Variants in SYNRG observed in about 807,000 individuals in gnomAD.
SYNRG encodes synergin gamma.
SYNRG carries 37 observed loss-of-function variants against 130.9 expected under a neutral mutation model. The observed-to-expected ratio is 0.28, with a 90% confidence interval of 0.22 to 0.37. The LOEUF is 0.37. Ranked by LOEUF, SYNRG falls within the 10% of genes least tolerant of loss-of-function variation. The pLI is 1.00. For synonymous variants in SYNRG, 539 were observed against 568.1 expected, an observed-to-expected ratio of 0.95 and a Z score of 0.73; for missense variants, 1,338 against 1,588.9, an observed-to-expected ratio of 0.84 and a Z score of 2.68.
chr17:37,604,338 C>T (rs569602343), intron 1 of SYNRG, among the ~76,000 whole-genome samples: 26 of 152,216 alleles, frequency 1.7e-4, no homozygotes, highest in African/African-American at 5.5e-4. Flanking sequence ...TACATCAGCA[C>T]TTGCTGCTTC....
intron 19 of SYNRG, among the ~76,000 whole-genome samples, chr17:37,535,451 C>T (rs144873572): frequency 6.6e-6 from 1 of 152,316 alleles, no homozygotes; most frequent in Non-Finnish European, 1.5e-5. Context: ...ATGCATGCAC[C>T]TGTGCAGACA....
intron 6 of SYNRG, among the ~76,000 whole-genome samples, chr17:37,580,858 G>A (rs138317886): frequency 1.3e-5 from 2 of 151,612 alleles, no homozygotes; most frequent in African/African-American, 4.8e-5. Flanking sequence ...TAGTAGAGAC[G>A]GGGGTTTCTC....
chr17:37,568,852 A>T lies in SYNRG; in HGVS notation c.1420T>A (p.Phe474Ile). ...GCAGGCAACTCTTGGAAATCACTGA[A>T]TGAGTCATCAAGGGATCCTGACTTA... ...ASKSGSLDDS[F>I]SDFQELPASS... The change falls in exon 11 of 22, where the codon TTC (phenylalanine) becomes ATC (isoleucine). Residue 474 changes from phenylalanine to isoleucine, a missense_variant. Phe to Ile is a conservative substitution (Grantham distance 21). Coordinates refer to ENST00000612223, the MANE Select transcript of SYNRG (RefSeq NM_007247.6). 2.5e-6 allele frequency: 4 copies of T among 1,614,126 alleles called. No homozygotes were observed. Among genetic ancestry groups the T allele is most frequent in the Non-Finnish European group, 3.4e-6 (4 of 1,179,996 alleles).
At chr17:37,577,672 C>T (rs1233788901) in intron 6 of SYNRG, 59 bp from the exon 7 acceptor site, 2 of 1,245,782 alleles carry the variant, frequency 1.6e-6, no homozygotes, top group African/African-American at 1.5e-5. Context: ...ATCTTTTTAA[C>T]CATCCATCTC....
At chr17:37,604,039 G>A (rs979406577) in intron 1 of SYNRG, among the ~76,000 whole-genome samples, 3 of 152,222 alleles carry the variant, frequency 2.0e-5, no homozygotes, top group Admixed American at 2.0e-4. Flanking sequence ...TCAGGAGTAT[G>A]TGACCAGCCT....
intron 14 of SYNRG, among the ~76,000 whole-genome samples, chr17:37,552,543 C>T (rs2058787137): frequency 6.6e-6 from 1 of 152,134 alleles, no homozygotes; most frequent in African/African-American, 2.4e-5. Flanking sequence ...CACACACCCT[C>T]CTCTTTGCCA....
intron 6 of SYNRG, chr17:37,579,435 C>G (rs2061112586): frequency 7.7e-7 from 1 of 1,302,706 alleles, no homozygotes; most frequent in Non-Finnish European, 1.0e-6. Flanking sequence ...GTGGGGCAAT[C>G]TGCAAAATGG....
At chr17:37,548,786 T>C (rs1408929992) in intron 14 of SYNRG, among the ~76,000 whole-genome samples, 1 of 146,426 alleles carries the variant, frequency 6.8e-6, no homozygotes, top group Non-Finnish European at 1.5e-5. Flanking sequence ...GATTGCGCCA[T>C]TCCACTCCAG....
intron 1 of SYNRG, among the ~76,000 whole-genome samples, chr17:37,607,965 A>AC (rs1568574120): frequency 2.2e-4 from 32 of 145,966 alleles, no homozygotes; most frequent in African/African-American, 7.9e-4. Context: ...CAAAAAAAAA[A>AC]AAAAAAAAAA....
chr17:37,558,833 G>A (rs1019995651), intron 13 of SYNRG, among the ~76,000 whole-genome samples: 1 of 152,190 alleles, frequency 6.6e-6, no homozygotes, highest in Non-Finnish European at 1.5e-5. Flanking sequence ...ATGATCCTGT[G>A]TCTTGGTTGT....
At chr17:37,555,333 C>T (rs371581395) in intron 13 of SYNRG, among the ~76,000 whole-genome samples, 2 of 152,088 alleles carry the variant, frequency 1.3e-5, no homozygotes, top group East Asian at 1.9e-4. Flanking sequence ...CACCACGTCA[C>T]GTAGGCTGGT....
At chr17:37,524,472 G>A (rs979172130) in intron 19 of SYNRG, among the ~76,000 whole-genome samples, 4 of 152,242 alleles carry the variant, frequency 2.6e-5, no homozygotes, top group Admixed American at 6.5e-5. Context: ...AAGAACACAC[G>A]GTTTTCAGAG....
At chr17:37,526,022 A>G (rs1279874943) in intron 19 of SYNRG, among the ~76,000 whole-genome samples, 1 of 152,194 alleles carries the variant, frequency 6.6e-6, no homozygotes. Flanking sequence ...AATCCCAGCT[A>G]TTTGGGAAGC....
chr17:37,515,896 C>T lies in SYNRG; in HGVS notation c.*3044G>A, dbSNP rs1169720253. 6.6e-6 allele frequency: 1 copy of T among 152,106 alleles called. No individual in the cohort carries two copies. The allele number at this position is 152,106 out of a possible 1,614,324, so 9.4% of individuals were successfully genotyped here. On this transcript the variant is annotated 3_prime_UTR_variant, in exon 22 of 22. Coordinates refer to ENST00000612223, the MANE Select transcript of SYNRG (RefSeq NM_007247.6). ...AGACACCTTTAAACAAATAAGACCC[C>T]CCCAAAACCCTTCAAATATGTATAT...
At chr17:37,594,620 C>A (rs774868553) in intron 3 of SYNRG, among the ~76,000 whole-genome samples, 37 of 151,982 alleles carry the variant, frequency 2.4e-4, no homozygotes, top group Non-Finnish European at 4.1e-4. Flanking sequence ...CACCACCACG[C>A]CCGGCTAATT....
intron 13 of SYNRG, among the ~76,000 whole-genome samples, chr17:37,560,557 T>C (rs1272154320): frequency 6.6e-6 from 1 of 152,068 alleles, no homozygotes; most frequent in East Asian, 1.9e-4. Flanking sequence ...CAGGCTTGTC[T>C]GGAACTCCTG....
At chr17:37,529,606 G>C (rs2056394460) in intron 19 of SYNRG, among the ~76,000 whole-genome samples, 1 of 151,512 alleles carries the variant, frequency 6.6e-6, no homozygotes, top group Non-Finnish European at 1.5e-5. Flanking sequence ...TGCAGCTGTA[G>C]CAAGCTTGTA....
intron 6 of SYNRG, among the ~76,000 whole-genome samples, chr17:37,580,510 T>TGTGTGTGTGTGTGTGTGTGTGTGTGTGA (rs1384344164): frequency 1.6e-5 from 2 of 127,656 alleles, no homozygotes; most frequent in African/African-American, 7.3e-5. Context: ...TGTGTGTGTG[T>TGTGTGTGTGTGTGTGTGTGTGTGTGTGA]GAGAGAGAGA....
At chr17:37,533,938 T>C (rs1322872069) in intron 19 of SYNRG, among the ~76,000 whole-genome samples, 1 of 123,732 alleles carries the variant, frequency 8.1e-6, no homozygotes, top group African/African-American at 3.1e-5. Flanking sequence ...TTTTTTTTTT[T>C]TTTTTTTTTT....
Sources: gnomAD v4.1 joint callset for allele counts (sites outside exome capture counted in the v4.1 genomes callset) on GRCh38, gnomAD v4.1.1 for gene constraint, MANE v1.5 for transcripts, NCBI Gene and HGNC (gene_info 2026-07-23, HGNC 2026-07-21) for gene names.